The following DPP10 variants were observed in gnomAD, a reference collection of about 807,000 sequenced individuals.
DPP10 encodes inactive dipeptidyl peptidase 10.
In DPP10, 33 loss-of-function variants were observed where a neutral mutation model predicts 120.9. The observed-to-expected ratio is 0.27, with a 90% confidence interval of 0.21 to 0.37. The LOEUF is 0.37. Ranked by LOEUF, DPP10 falls within the 10% of genes least tolerant of loss-of-function variation. The pLI, the probability that DPP10 is intolerant of heterozygous loss-of-function variation, is 1.00. For missense variants in DPP10, 816 were observed against 942.8 expected (o/e 0.87, Z 1.76); for synonymous variants, 337 against 326.1 (o/e 1.03, Z -0.36).
intron 1 of DPP10, among the ~76,000 whole-genome samples, chr2:114,695,324 T>C (rs1456782840): frequency 4.6e-5 from 7 of 152,156 alleles, no homozygotes; most frequent in African/African-American, 1.7e-4. Context: ...TCAGTTCAAA[T>C]GATAAACAAA....
intron 1 of DPP10, among the ~76,000 whole-genome samples, chr2:114,633,248 C>CTTTTT (rs35372708): frequency 2.3e-3 from 170 of 72,784 alleles, no homozygotes; most frequent in Non-Finnish European, 2.9e-3. Flanking sequence ...GTTTTTCTTT[C>CTTTTT]TTTTTTTTTT....
chr2:115,432,659 TTGTGTGTGTGTGTGTGTGTGTG>T (rs59844767), intron 3 of DPP10, among the ~76,000 whole-genome samples: 1 of 137,672 alleles, frequency 7.3e-6, no homozygotes, highest in African/African-American at 2.7e-5. Context: ...ATAGGCAATT[TTGTGTGTGTGTGTGTGTGTGTG>T]TGTGTGTGTG....
chr2:114,469,785 A>G (rs1260457151), intron 1 of DPP10, among the ~76,000 whole-genome samples: 1 of 152,176 alleles, frequency 6.6e-6, no homozygotes, highest in Admixed American at 6.5e-5. Flanking sequence ...TTGAACAGGA[A>G]ATTGAGGAAG....
At chr2:114,508,488 C>G (rs1052426621) in intron 1 of DPP10, among the ~76,000 whole-genome samples, 1 of 152,166 alleles carries the variant, frequency 6.6e-6, no homozygotes, top group African/African-American at 2.4e-5. Context: ...TGTCTATTCA[C>G]TAGCTGATAG....
At chr2:115,338,255 T>C (rs572721121) in intron 2 of DPP10, among the ~76,000 whole-genome samples, 160 of 152,164 alleles carry the variant, frequency 1.1e-3, no homozygotes, top group Non-Finnish European at 1.9e-3. Context: ...TCAACGTGCT[T>C]GGTTGGATTT....
Position 115,162,036 on chromosome 2 carries a change from T to A in DPP10, c.61-147203T>A, listed in dbSNP as rs1348067500. 12 of 1,404,812 alleles carry A rather than the reference T, an allele frequency of 8.5e-6. No homozygotes were observed. The South Asian group carries it at 1.7e-4, about 20-fold the overall frequency. 87.0% of individuals were successfully genotyped at this position (1,404,812 alleles called of 1,614,324 possible). On this transcript the variant is annotated intron_variant, in intron 1 of 25. Coordinates refer to ENST00000410059, the MANE Select transcript of DPP10 (RefSeq NM_020868.6). ...GCGCAGCCGGCGGACCAGGTGAGAG[T>A]CGGCAGCCGCGGCCAGGCCCTCCCG...
At chr2:115,807,938 A>C (rs185954814) in intron 19 of DPP10, among the ~76,000 whole-genome samples, 2,771 of 152,264 alleles carry the variant, frequency 0.018, 86 homozygotes, top group African/African-American at 0.061. Flanking sequence ...GAACAGACCC[A>C]CATATGAATA....
chr2:114,891,933 ATGTC>A (rs140250017), intron 1 of DPP10, among the ~76,000 whole-genome samples: 3,162 of 152,068 alleles, frequency 0.021, 42 homozygotes, highest in African/African-American at 0.026. Context: ...CATGCTGAGG[ATGTC>A]TGTCTGTCTG....
At chr2:114,606,997 G>A (rs1357794008) in intron 1 of DPP10, among the ~76,000 whole-genome samples, 2 of 152,194 alleles carry the variant, frequency 1.3e-5, no homozygotes, top group Non-Finnish European at 2.9e-5. Flanking sequence ...AAGCTCTGGA[G>A]TAGCACTGAC....
chr2:114,974,202 C>A (rs1261939137), intron 1 of DPP10, among the ~76,000 whole-genome samples: 1 of 152,146 alleles, frequency 6.6e-6, no homozygotes, highest in Admixed American at 6.5e-5. Flanking sequence ...CTTACTAAGT[C>A]CTGCAAGCTC....
At chr2:114,859,283 G>A (rs1384078806) in intron 1 of DPP10, among the ~76,000 whole-genome samples, 1 of 151,366 alleles carries the variant, frequency 6.6e-6, no homozygotes, top group Non-Finnish European at 1.5e-5. Context: ...CAGGAGAATC[G>A]TTTGAACCCA....
chr2:114,543,514 C>T (rs577904840), intron 1 of DPP10, among the ~76,000 whole-genome samples: 44 of 152,268 alleles, frequency 2.9e-4, no homozygotes, highest in African/African-American at 1.0e-3. Flanking sequence ...TGCTTCACGC[C>T]GCCTCCTGGT....
intron 1 of DPP10, among the ~76,000 whole-genome samples, chr2:114,589,791 T>G (rs1307405503): frequency 6.6e-6 from 1 of 152,100 alleles, no homozygotes; most frequent in Admixed American, 6.5e-5. Context: ...AACTATGTAT[T>G]GTTCTCTAGT....
chr2:114,517,637 C>T (rs1684709689), intron 1 of DPP10, among the ~76,000 whole-genome samples: 1 of 152,130 alleles, frequency 6.6e-6, no homozygotes, highest in Admixed American at 6.5e-5. Flanking sequence ...TTTCTAAGGC[C>T]ATTATGTGAA....
intron 1 of DPP10, among the ~76,000 whole-genome samples, chr2:114,840,770 A>G (rs1688093566): frequency 6.6e-6 from 1 of 152,136 alleles, no homozygotes; most frequent in African/African-American, 2.4e-5. Context: ...TCCACATAAG[A>G]GAGATACGTA....
intron 1 of DPP10, among the ~76,000 whole-genome samples, chr2:115,089,302 AT>A (rs1709046437): frequency 6.6e-6 from 1 of 152,122 alleles, no homozygotes; most frequent in Admixed American, 6.5e-5. Context: ...CAATCTAATC[AT>A]TCTTTTCTCT....
At chr2:114,720,814 C>G (rs910651309) in intron 1 of DPP10, among the ~76,000 whole-genome samples, 7 of 152,180 alleles carry the variant, frequency 4.6e-5, no homozygotes, top group African/African-American at 1.7e-4. Flanking sequence ...AGAACTTATA[C>G]ATGTCATTTT....
At chr2:114,580,193 A>G (rs1443954181) in intron 1 of DPP10, among the ~76,000 whole-genome samples, 1 of 152,208 alleles carries the variant, frequency 6.6e-6, no homozygotes, top group African/African-American at 2.4e-5. Flanking sequence ...TCCATTTAAA[A>G]GAGTTGCCTT....
At chr2:115,483,680 A>G (rs2075587560) in intron 3 of DPP10, among the ~76,000 whole-genome samples, 1 of 152,134 alleles carries the variant, frequency 6.6e-6, no homozygotes, top group Admixed American at 6.6e-5. Context: ...TACTCTCCAC[A>G]TTCATGTTCT....
Sources: allele counts gnomAD v4.1 joint callset (sites outside exome capture counted in the v4.1 genomes callset), GRCh38; gene constraint gnomAD v4.1.1; transcripts MANE v1.5; gene names NCBI Gene and HGNC (gene_info 2026-07-23, HGNC 2026-07-21).